The following FBXW8 variants were observed in gnomAD, a reference collection of about 807,000 sequenced individuals.
FBXW8 encodes the protein F-box and WD repeat domain containing 8, also known as F-box/WD repeat-containing protein 8.
A neutral mutation model predicts 65.3 loss-of-function variants in FBXW8; 57 were observed. That is an observed-to-expected ratio of 0.87 (90% CI 0.71 to 1.09). The LOEUF is 1.09. Among genes scored for constraint, FBXW8 ranks in the 50% least tolerant of loss-of-function variants. FBXW8 has a pLI of 0.00. For synonymous variants in FBXW8, 308 were observed against 330.2 expected (o/e 0.93, Z 0.73); for missense variants, 777 against 814.8 (o/e 0.95, Z 0.57).
intron 2 of FBXW8, among the ~76,000 whole-genome samples, chr12:116,929,216 G>A (rs142398085): frequency 0.015 from 2,300 of 152,014 alleles, 53 homozygotes; most frequent in African/African-American, 0.046. Context: ...CGTCTTTTTG[G>A]CCAAGAGTGT....
intron 1 of FBXW8, among the ~76,000 whole-genome samples, chr12:116,925,903 G>T (rs1881289493): frequency 6.6e-6 from 1 of 152,186 alleles, no homozygotes; most frequent in East Asian, 1.9e-4. Flanking sequence ...CTGAACAGGT[G>T]TATCAGTTTG....
intron 4 of FBXW8, among the ~76,000 whole-genome samples, chr12:116,954,787 G>C (rs1473653039): frequency 4.6e-5 from 7 of 152,002 alleles, no homozygotes; most frequent in Admixed American, 4.6e-4. Flanking sequence ...CTAACCTTTT[G>C]ACTTGAAGTC....
intron 8 of FBXW8, among the ~76,000 whole-genome samples, chr12:117,021,879 G>A (rs750607345): frequency 1.3e-5 from 2 of 152,146 alleles, no homozygotes; most frequent in African/African-American, 4.8e-5. Flanking sequence ...GTTTCATCCC[G>A]TTGCTTTCGG....
At chr12:117,022,996 T>C (rs1954137250) in intron 8 of FBXW8, among the ~76,000 whole-genome samples, 2 of 152,252 alleles carry the variant, frequency 1.3e-5, no homozygotes, top group Non-Finnish European at 2.9e-5. Flanking sequence ...TCTGGTATTT[T>C]GCTATGCCAC....
At chr12:117,008,061 G>C (rs1027565284) in intron 7 of FBXW8, among the ~76,000 whole-genome samples, 3 of 152,080 alleles carry the variant, frequency 2.0e-5, no homozygotes, top group African/African-American at 7.2e-5. Flanking sequence ...GAGTCTTTTT[G>C]GAAAGGGATT....
In FBXW8 at chr12:117,015,901, C is replaced by G. The variant is rs75335318; in HGVS notation, c.1367+5451C>G. On this transcript the variant is annotated intron_variant, in intron 8 of 10. Coordinates refer to ENST00000652555, the MANE Select transcript of FBXW8 (RefSeq NM_153348.3). ...CATCTACTTTCTTTCTCTGGATTTG[C>G]CTGAACATCTCCTATAAATGAAATG... 3.3e-5 allele frequency among the ~76,000 whole-genome samples: 5 copies of G among 152,292 alleles called. No individual in the cohort carries two copies. In the East Asian group the frequency reaches 9.6e-4, roughly 29 times the overall value.
At chr12:116,972,089 G>A (rs1884679064) in intron 5 of FBXW8, among the ~76,000 whole-genome samples, 2 of 152,134 alleles carry the variant, frequency 1.3e-5, no homozygotes, top group African/African-American at 4.8e-5. Flanking sequence ...ATAAGATTTA[G>A]TGTTACTCTT....
At chr12:116,932,518 C>G (rs1014623309) in intron 2 of FBXW8, among the ~76,000 whole-genome samples, 2 of 152,142 alleles carry the variant, frequency 1.3e-5, no homozygotes, top group African/African-American at 4.8e-5. Flanking sequence ...GATACAGGAC[C>G]ATTTAGACAG....
At chr12:116,986,518 C>G (rs1419409462) in intron 6 of FBXW8, 1 of 152,092 alleles carries the variant, frequency 6.6e-6, no homozygotes, top group Non-Finnish European at 1.5e-5. Flanking sequence ...GTCCCAGCTA[C>G]TCAGGAGGCT....
At chr12:116,926,749 A>G (rs1334844043) in intron 1 of FBXW8, among the ~76,000 whole-genome samples, 5 of 151,168 alleles carry the variant, frequency 3.3e-5, no homozygotes, top group Non-Finnish European at 7.4e-5. Flanking sequence ...TTTTTCCTCC[A>G]GAGATCCCTT....
chr12:117,026,377 C>T (rs1954228773), intron 9 of FBXW8, among the ~76,000 whole-genome samples: 1 of 150,426 alleles, frequency 6.6e-6, no homozygotes, highest in African/African-American at 2.5e-5. Context: ...CACTTTCCTT[C>T]AGTCCTCCAG....
intron 8 of FBXW8, among the ~76,000 whole-genome samples, chr12:117,012,289 AT>A (rs150378163): frequency 1.3e-3 from 197 of 151,644 alleles, no homozygotes; most frequent in Middle Eastern, 6.8e-3. Flanking sequence ...CCAATGTTAC[AT>A]TTTTTTTTAA....
At chr12:116,927,832 G>A (rs1881446284) in intron 1 of FBXW8, among the ~76,000 whole-genome samples, 191 bp from the exon 2 acceptor site, 1 of 152,176 alleles carries the variant, frequency 6.6e-6, no homozygotes, top group South Asian at 2.1e-4. Context: ...AGAGAATGGA[G>A]GATGGCTGGC....
chr12:116,987,555 A>G (rs1053042320), intron 6 of FBXW8, among the ~76,000 whole-genome samples: 4 of 152,208 alleles, frequency 2.6e-5, no homozygotes, highest in African/African-American at 9.6e-5. Flanking sequence ...CTGGTGGCCA[A>G]ATGGACCCTG....
At chr12:116,998,510 C>T (rs1953435397) in intron 7 of FBXW8, among the ~76,000 whole-genome samples, 1 of 152,160 alleles carries the variant, frequency 6.6e-6, no homozygotes, top group African/African-American at 2.4e-5. Flanking sequence ...TGTGGAATTG[C>T]CTTCCTGGTT....
At chr12:116,946,153 C>T (rs1438140479) in intron 3 of FBXW8, among the ~76,000 whole-genome samples, 2 of 152,192 alleles carry the variant, frequency 1.3e-5, no homozygotes, top group Admixed American at 1.3e-4. Context: ...GTTTCTTTCT[C>T]ACCTGGGAGG....
chr12:116,989,978 C>T (rs1263749501), intron 7 of FBXW8, among the ~76,000 whole-genome samples: 2 of 152,234 alleles, frequency 1.3e-5, no homozygotes, highest in Non-Finnish European at 2.9e-5. Context: ...GCTCCTGAAC[C>T]TCCCGTTATT....
chr12:116,997,374 G>T (rs1953401822), intron 7 of FBXW8, among the ~76,000 whole-genome samples: 1 of 152,218 alleles, frequency 6.6e-6, no homozygotes. Flanking sequence ...ATAGGGGAAA[G>T]TTCCTTTCAG....
In FBXW8 at chr12:116,911,285, C is replaced by A; in HGVS notation, c.248C>A (p.Ser83Ter). The A allele has an allele frequency of 7.9e-7, 1 of 1,267,288 alleles. No homozygotes were observed. Among genetic ancestry groups the A allele is most frequent in the Non-Finnish European group, 9.9e-7 (1 of 1,009,574 alleles). 78.5% of individuals were successfully genotyped at this position (1,267,288 alleles called of 1,614,324 possible). ...GAGGGGCAGGACGTAGCGAGCCGCT[C>A]ACGTTCTCCTCTGGCCCGCGAGGGC... is the stretch of plus-strand genomic sequence containing the variant. The part of the protein sequence containing the change: ...RAEGQDVASR[S>*]RSPLAREGAG... The change falls in exon 1 of 11, where the codon TCA (serine) becomes TAA (stop). Residue 83 changes from serine (S) to a stop codon, truncating the protein, a stop_gained. Coordinates refer to ENST00000652555, the MANE Select transcript of FBXW8 (RefSeq NM_153348.3). LOFTEE classifies it high-confidence loss of function.
Sources: gnomAD v4.1 joint callset for allele counts (sites outside exome capture counted in the v4.1 genomes callset) on GRCh38, gnomAD v4.1.1 for gene constraint, MANE v1.5 for transcripts, NCBI Gene and HGNC (gene_info 2026-07-23, HGNC 2026-07-21) for gene names.